KDM2B: variants seen among roughly 807,000 people sequenced by gnomAD.
The protein encoded by KDM2B is lysine-specific demethylase 2B.
A neutral mutation model predicts 150.0 loss-of-function variants in KDM2B; 26 were observed. The ratio of observed to expected loss-of-function variants is 0.17; its 90% CI spans 0.13 to 0.24. The LOEUF (loss-of-function observed/expected upper bound fraction) is 0.24, where lower values mean the gene tolerates loss of function less well. KDM2B is among the 10% of genes least tolerant of loss of function. KDM2B has a pLI of 1.00. For missense variants in KDM2B, 1,265 were observed against 1,816.9 expected, an observed-to-expected ratio of 0.70 and a Z score of 5.52; for synonymous variants, 734 against 729.5, an observed-to-expected ratio of 1.01 and a Z score of -0.10.
intron 1 of KDM2B, chr12:121,579,634 C>A: frequency 7.5e-7 from 1 of 1,334,254 alleles, no homozygotes; most frequent in African/African-American, 1.5e-5. Flanking sequence ...CATCTCCCCA[C>A]AAGCGCGCGC....
At chr12:121,525,819 T>A (rs1294999487) in intron 8 of KDM2B, among the ~76,000 whole-genome samples, 1 of 152,208 alleles carries the variant, frequency 6.6e-6, no homozygotes, top group Non-Finnish European at 1.5e-5. Flanking sequence ...GGGTCTTCAG[T>A]GGTTCTTTCT....
intron 6 of KDM2B, among the ~76,000 whole-genome samples, chr12:121,539,135 C>CTAA (rs1370140604): frequency 6.6e-6 from 1 of 151,634 alleles, no homozygotes; most frequent in Non-Finnish European, 1.5e-5. Flanking sequence ...ATTACCAGTG[C>CTAA]TAATAATAAT....
intron 22 of KDM2B, among the ~76,000 whole-genome samples, chr12:121,431,581 A>G (rs1447387717): frequency 1.3e-5 from 2 of 152,180 alleles, no homozygotes; most frequent in African/African-American, 4.8e-5. Flanking sequence ...TGCTATCTAC[A>G]TGTTATCAAA....
chr12:121,415,486 T>C, the KDM2B span, among the ~76,000 whole-genome samples: 1 of 151,676 alleles, frequency 6.6e-6, no homozygotes, highest in East Asian at 2.0e-4. Flanking sequence ...GTGTGTGGCG[T>C]GTGCCTGTAA....
chr12:121,441,252 G>A lies in KDM2B; in HGVS notation c.3285-19C>T, dbSNP rs1555288217. 1 of 1,610,808 alleles carries A rather than the reference G, an allele frequency of 6.2e-7. No homozygotes were observed. Among genetic ancestry groups the A allele is most frequent in the East Asian group, 2.2e-5 (1 of 44,818 alleles). On this transcript the variant is annotated intron_variant, in intron 19 of 22. Transcript: ENST00000377071. ...GCAGCACCTGGGGACCGGCCCCGTGGGGACACATCGTCAGAGGTGGGGCTC... is the reference window on the plus strand; with the variant it reads ...GCAGCACCTGGGGACCGGCCCCGTGAGGACACATCGTCAGAGGTGGGGCTC...
chr12:121,421,738 C>T, the KDM2B span, among the ~76,000 whole-genome samples: 4 of 152,156 alleles, frequency 2.6e-5, no homozygotes, highest in Non-Finnish European at 5.9e-5. Context: ...GACAGGGTCT[C>T]ACTATGTTGC....
chr12:121,428,940 TCC>T (rs1555284684), downstream of KDM2B, among the ~76,000 whole-genome samples: 13 of 151,912 alleles, frequency 8.6e-5, no homozygotes, highest in Non-Finnish European at 1.6e-4. Flanking sequence ...GCAGCTCTTC[TCC>T]TTAAAGAAGT....
intron 11 of KDM2B, among the ~76,000 whole-genome samples, chr12:121,497,047 T>C (rs968922496): frequency 6.6e-6 from 1 of 152,092 alleles, no homozygotes; most frequent in African/African-American, 2.4e-5. Context: ...TTTCAAGATG[T>C]GGCTGTTAAC....
chr12:121,507,524 G>A (rs148890756), intron 11 of KDM2B, among the ~76,000 whole-genome samples: 54 of 152,274 alleles, frequency 3.5e-4, no homozygotes, highest in African/African-American at 1.2e-3. Flanking sequence ...CGCTGCTTGC[G>A]CTTTTTCTAA....
intron 8 of KDM2B, among the ~76,000 whole-genome samples, 165 bp downstream of exon 8, chr12:121,532,641 G>A (rs1555308027): frequency 6.6e-6 from 1 of 152,218 alleles, no homozygotes; most frequent in Non-Finnish European, 1.5e-5. Flanking sequence ...GGGATGTGAG[G>A]GGAAAACTGC....
At chr12:121,579,498 C>T (rs1891774837) in intron 1 of KDM2B, 1 of 983,408 alleles carries the variant, frequency 1.0e-6, no homozygotes, top group African/African-American at 1.7e-5. Flanking sequence ...CAGCCGCCCC[C>T]GCCGCCCGCC....
chr12:121,426,470 G>A (rs1486486180), downstream of KDM2B, among the ~76,000 whole-genome samples: 6 of 135,326 alleles, frequency 4.4e-5, no homozygotes, highest in Non-Finnish European at 7.6e-5. Flanking sequence ...TTTAAAGACA[G>A]AGTCTTGCTG....
rs1872748027 is a variant in KDM2B, at chr12:121,429,985, GC to G, written c.*302del. 1.2e-6 allele frequency: 1 copy of G among 816,068 alleles called. No homozygotes were observed. The highest frequency in any genetic ancestry group is 1.9e-5 in the Admixed American group (1 of 51,682). The allele number at this position is 816,068 out of a possible 1,614,324, so 50.6% of individuals were successfully genotyped here. ...CACTAACAGAAACTCCTAAGCTCAT[GC>G]TTCAGTATGAGAATTTCTCCGAAGT... On this transcript the variant is annotated 3_prime_UTR_variant, in exon 23 of 23. Coordinates refer to ENST00000377071, the MANE Select transcript of KDM2B (RefSeq NM_032590.5).
chr12:121,423,285 AG>A, the KDM2B span: 2 of 843,782 alleles, frequency 2.4e-6, no homozygotes, highest in Non-Finnish European at 3.7e-6. This position sits in a 1 kb window ranked among gnomAD's most constrained non-coding sequence, Gnocchi z 4.3. Flanking sequence ...TTGGGCCTGC[AG>A]GGGTCATTCA....
chr12:121,548,926 T>A lies in KDM2B; in HGVS notation c.634A>T (p.Thr212Ser), dbSNP rs375214733. 1 of 1,614,220 alleles carries A rather than the reference T, an allele frequency of 6.2e-7. No individual in the cohort carries two copies. The highest frequency in any genetic ancestry group is 1.3e-5 in the African/African-American group (1 of 75,060). Residue 212 changes from threonine to serine, a missense_variant, in exon 6 of 23, where the codon ACA becomes TCA. Thr to Ser is a moderately conservative substitution (Grantham distance 58). Coordinates refer to ENST00000377071, the MANE Select transcript of KDM2B (RefSeq NM_032590.5). Reference protein sequence around the residue: ...MWPQHLKEKQTEATNAIAEMK... With the variant: ...MWPQHLKEKQSEATNAIAEMK... Reference sequence around the variant, plus strand: ...TCTGCAATGGCGTTCGTGGCTTCTGTCTGCTTCTCCTTCAGATGCTGGGGC... The same window carrying A: ...TCTGCAATGGCGTTCGTGGCTTCTGACTGCTTCTCCTTCAGATGCTGGGGC...
chr12:121,529,326 C>T (rs532210049), intron 8 of KDM2B, among the ~76,000 whole-genome samples: 4 of 152,210 alleles, frequency 2.6e-5, no homozygotes, highest in Non-Finnish European at 5.9e-5. Flanking sequence ...ATCCTATGAG[C>T]TTTCAGAGAA....
At position 121,442,478 on chromosome 12, in the gene KDM2B, G is replaced by A. The variant is rs782236984; in HGVS notation, c.2963C>T (p.Pro988Leu). The part of the protein sequence containing the change: ...ESEGEEPKRP[P>L]GICERPHRFS... ...GCGGTGGGGACGCTCGCAGATGCCCGGGGGCCGCTTGGGCTCCTCGCCCTC... is the reference window on the plus strand; with the variant it reads ...GCGGTGGGGACGCTCGCAGATGCCCAGGGGCCGCTTGGGCTCCTCGCCCTC... Residue 988 changes from proline (P) to leucine (L), a missense_variant, in exon 19 of 23, where the codon CCG becomes CTG. Pro to Leu is a moderately conservative substitution (Grantham distance 98). This residue lies in a region of KDM2B where 418 missense variants were observed against 402.4 expected (regional missense o/e 1.04). Transcript: ENST00000377071. The surrounding 1 kb of genome is among the most constrained non-coding windows in gnomAD (Gnocchi z 7.7). 12 of 1,599,370 alleles carry A rather than the reference G, an allele frequency of 7.5e-6. No homozygotes were observed. The East Asian group carries it at 2.0e-4, about 27-fold the overall frequency.
At chr12:121,440,133 G>GT in intron 21 of KDM2B, 58 bp from the exon 22 acceptor site, 1 of 1,341,612 alleles carries the variant, frequency 7.5e-7, no homozygotes, top group Non-Finnish European at 1.0e-6. Flanking sequence ...GCCTGGTCAT[G>GT]CTGACATGAC....
rs1222797589 is a variant in KDM2B, at chr12:121,537,230, C to G, written c.684-2640G>C. On this transcript the variant is annotated intron_variant, in intron 6 of 22. Coordinates refer to ENST00000377071, the MANE Select transcript of KDM2B (RefSeq NM_032590.5). The surrounding 1 kb of genome is among the most constrained non-coding windows in gnomAD (Gnocchi z 8.7). Reference sequence around the variant, plus strand: ...GGCCCCTGCAGCGACAGGCCACCCCCGCTCCCGCCCCGCGCTGGCTCCGGG... The same window carrying G: ...GGCCCCTGCAGCGACAGGCCACCCCGGCTCCCGCCCCGCGCTGGCTCCGGG... The G allele has an allele frequency of 2.0e-5, 3 of 152,976 alleles. No individual in the cohort carries two copies. Among genetic ancestry groups the G allele is most frequent in the African/African-American group, 7.2e-5 (3 of 41,476 alleles). The allele number at this position is 152,976 out of a possible 1,614,324, so 9.5% of individuals were successfully genotyped here. A position where few individuals can be genotyped will look rare whatever the true frequency, so the allele number is the denominator to read the frequency against.
Sources: allele counts gnomAD v4.1 joint callset (sites outside exome capture counted in the v4.1 genomes callset), GRCh38; gene constraint gnomAD v4.1.1; regional missense constraint gnomAD v4.1.1; non-coding constraint Gnocchi (gnomAD v3.1); transcripts MANE v1.5; gene names NCBI Gene and HGNC (gene_info 2026-07-23, HGNC 2026-07-21).